CMTM6: variants seen among roughly 807,000 people sequenced by gnomAD.
CMTM6 encodes CKLF-like MARVEL transmembrane domain-containing protein 6.
Under a neutral mutation model 13.6 loss-of-function variants are expected in CMTM6, and 5 were observed. That is an observed-to-expected ratio of 0.37 (90% CI 0.19 to 0.77). The LOEUF (loss-of-function observed/expected upper bound fraction) is 0.77, where lower values mean the gene tolerates loss of function less well. CMTM6 is among the 30% of genes least tolerant of loss of function. The pLI is 0.50. For missense variants in CMTM6, 196 were observed against 218.6 expected (o/e 0.90, Z 0.65); for synonymous variants, 99 against 84.5 (o/e 1.17, Z -0.94).
intron 2 of CMTM6, 164 bp from the exon 3 acceptor site, chr3:32,488,200 C>T: frequency 1.8e-6 from 1 of 559,022 alleles, no homozygotes; most frequent in East Asian, 2.9e-5. Context: ...GCCTGGCATT[C>T]AATAAATACC....
At chr3:32,489,356 T>C (rs866481456) in intron 2 of CMTM6, among the ~76,000 whole-genome samples, 1 of 151,632 alleles carries the variant, frequency 6.6e-6, no homozygotes, top group South Asian at 2.1e-4. Context: ...ATATAAAATG[T>C]AAGAGGTTTT....
chr3:32,495,734 C>A (rs1697284427), intron 1 of CMTM6, among the ~76,000 whole-genome samples: 1 of 152,182 alleles, frequency 6.6e-6, no homozygotes, highest in African/African-American at 2.4e-5. Context: ...AAGACAGGAT[C>A]CAGCTTGTCC....
intron 1 of CMTM6, among the ~76,000 whole-genome samples, chr3:32,495,912 A>G (rs916069854): frequency 1.3e-5 from 2 of 152,156 alleles, no homozygotes; most frequent in African/African-American, 4.8e-5. Flanking sequence ...GACATCTGGC[A>G]GGGCACAGTG....
At position 32,491,775 on chromosome 3, in the gene CMTM6, GGA is replaced by G. The variant is rs764240225; in HGVS notation, c.248_249del (p.Leu83ProfsTer12). The G allele has an allele frequency of 5.0e-6, 8 of 1,613,810 alleles. No homozygotes were observed. On this transcript the variant is annotated frameshift_variant, in exon 2 of 4. Transcript: ENST00000205636. LOFTEE classifies it high-confidence loss of function. Reference protein sequence around the residue: ...FVSCSAFLLSLLILIVYCTPF... With the variant: ...FVSCSAFLLSXLILIVYCTPF... ...GGAGTGCAATACACAATCAGTATAA[GGA>G]GACTCAGAAGAAAGGCACTGCAGCT...
chr3:32,494,006 G>C (rs1268100915), intron 1 of CMTM6, among the ~76,000 whole-genome samples: 1 of 152,172 alleles, frequency 6.6e-6, no homozygotes, highest in Non-Finnish European at 1.5e-5. Context: ...AGATAGGGCA[G>C]TAGTGGATGA....
At chr3:32,489,509 G>A (rs913203655) in intron 2 of CMTM6, among the ~76,000 whole-genome samples, 1 of 151,736 alleles carries the variant, frequency 6.6e-6, no homozygotes, top group Non-Finnish European at 1.5e-5. Context: ...AAATTAGCTG[G>A]GTGTGGTGGC....
chr3:32,487,353 TA>T (rs1169254751), intron 3 of CMTM6, among the ~76,000 whole-genome samples: 3 of 150,220 alleles, frequency 2.0e-5, no homozygotes, highest in Non-Finnish European at 4.5e-5. Flanking sequence ...TTTTTTCTAT[TA>T]TTTTTTTTTT....
chr3:32,489,269 CAAAAAAA>C (rs34775532), intron 2 of CMTM6, among the ~76,000 whole-genome samples: 1 of 94,680 alleles, frequency 1.1e-5, no homozygotes, highest in Non-Finnish European at 2.0e-5. Context: ...GACTCCATCT[CAAAAAAA>C]AAAAAAAAAA....
chr3:32,502,465 A>T, intron 1 of CMTM6, 143 bp downstream of exon 1: 2 of 1,058,546 alleles, frequency 1.9e-6, no homozygotes, highest in Non-Finnish European at 2.6e-6. Context: ...CCCCTTCCCC[A>T]GGCTGAGAGG....
rs1433643413 is a variant in CMTM6 at position 32,489,056 on chromosome 3, C to G, written c.316-1020G>C. The stretch of plus-strand genomic sequence containing the variant: ...GGCCGAGACGGGCAGATCACGAGGT[C>G]AGGAGTTCGAGACCAGCCTGACCAA... On this transcript the variant is annotated intron_variant, in intron 2 of 3. Transcript: ENST00000205636. 4.0e-5 allele frequency among the ~76,000 whole-genome samples: 6 copies of G among 151,128 alleles called. No homozygotes were observed. In the East Asian group the frequency reaches 1.2e-3, roughly 30 times the overall value.
chr3:32,484,229 T>C, intron 3 of CMTM6, 132 bp from the exon 4 acceptor site: 2 of 777,576 alleles, frequency 2.6e-6, no homozygotes, highest in Non-Finnish European at 3.7e-6. Flanking sequence ...TACTCTTTAA[T>C]GGTAAAAAAA....
At chr3:32,497,109 C>T (rs562123546) in intron 1 of CMTM6, among the ~76,000 whole-genome samples, 1 of 152,094 alleles carries the variant, frequency 6.6e-6, no homozygotes. Flanking sequence ...CTACACCGGG[C>T]GCGGTGGCTC....
chr3:32,491,144 A>G (rs1559424560), intron 2 of CMTM6, among the ~76,000 whole-genome samples: 1 of 152,246 alleles, frequency 6.6e-6, no homozygotes, highest in Non-Finnish European at 1.5e-5. Flanking sequence ...TTCTGCTCCT[A>G]GCAAACTAAC....
intron 2 of CMTM6, among the ~76,000 whole-genome samples, chr3:32,490,355 T>C (rs1340731894): frequency 6.6e-6 from 1 of 152,172 alleles, no homozygotes; most frequent in African/African-American, 2.4e-5. Context: ...AAAACCTAAG[T>C]GTATTAATAT....
At chr3:32,485,228 TAAAAAAA>T (rs563553514) in intron 3 of CMTM6, among the ~76,000 whole-genome samples, 2 of 141,800 alleles carry the variant, frequency 1.4e-5, no homozygotes, top group Non-Finnish European at 3.1e-5. Flanking sequence ...ACTTCTGAAT[TAAAAAAA>T]AAAAAAGAAC....
chr3:32,490,827 A>G (rs1697244005), intron 2 of CMTM6, among the ~76,000 whole-genome samples: 1 of 152,160 alleles, frequency 6.6e-6, no homozygotes, highest in Admixed American at 6.5e-5. Context: ...TTTTTTTAAT[A>G]TAAATTTTTC....
intron 1 of CMTM6, 100 bp from the exon 2 acceptor site, chr3:32,491,986 A>T (rs41285087): frequency 0.096 from 95,762 of 1,000,900 alleles, 4,912 homozygotes; most frequent in Middle Eastern, 0.16. Context: ...AATATTTACA[A>T]TGAGGAGACT....
At chr3:32,490,534 A>AG (rs1463494930) in intron 2 of CMTM6, among the ~76,000 whole-genome samples, 18 of 152,222 alleles carry the variant, frequency 1.2e-4, no homozygotes, top group African/African-American at 4.3e-4. Context: ...AAGCTATTTT[A>AG]GGATGGACTA....
chr3:32,495,274 T>C (rs1697281033), intron 1 of CMTM6, among the ~76,000 whole-genome samples: 1 of 152,166 alleles, frequency 6.6e-6, no homozygotes, highest in South Asian at 2.1e-4. Context: ...CCCAAACAAC[T>C]TCCTTCAGAC....
Sources: gnomAD v4.1 joint callset for allele counts (sites outside exome capture counted in the v4.1 genomes callset) on GRCh38, gnomAD v4.1.1 for gene constraint, MANE v1.5 for transcripts, NCBI Gene and HGNC (gene_info 2026-07-23, HGNC 2026-07-21) for gene names.